Variants in SCAMP1 observed in about 807,000 individuals in gnomAD.
SCAMP1 encodes the protein secretory carrier membrane protein 1.
SCAMP1 carries 15 observed loss-of-function variants against 41.8 expected under a neutral mutation model. That is an observed-to-expected ratio of 0.36 (90% CI 0.24 to 0.55). The LOEUF is 0.55. SCAMP1 is among the 20% of genes least tolerant of loss of function. The probability of loss-of-function intolerance (pLI) is 0.86; values close to 1 mark genes in which losing one functional copy is unlikely to be tolerated. For missense variants in SCAMP1, 341 were observed against 412.6 expected (o/e 0.83, Z 1.50); for synonymous variants, 135 against 136.8 (o/e 0.99, Z 0.09).
At chr5:78,435,233 T>G (rs947775442) in intron 6 of SCAMP1, among the ~76,000 whole-genome samples, 9 of 152,146 alleles carry the variant, frequency 5.9e-5, no homozygotes, top group East Asian at 5.8e-4. Context: ...AATATGAAGG[T>G]TTTTTTTAAT....
chr5:78,447,274 G>A (rs6882191), intron 6 of SCAMP1, among the ~76,000 whole-genome samples: 116,124 of 152,208 alleles, frequency 0.76, 44,947 homozygotes, highest in African/African-American at 0.85. Context: ...TATACTGGTT[G>A]TAGAAATGTA....
At chr5:78,399,963 T>C (rs1042452178) in intron 2 of SCAMP1, among the ~76,000 whole-genome samples, 1 of 152,188 alleles carries the variant, frequency 6.6e-6, no homozygotes, top group Non-Finnish European at 1.5e-5. Flanking sequence ...AATATTTGTT[T>C]GTTTATTTTA....
intron 6 of SCAMP1, among the ~76,000 whole-genome samples, chr5:78,427,821 G>A (rs979025003): frequency 3.3e-5 from 5 of 150,724 alleles, no homozygotes; most frequent in Non-Finnish European, 5.9e-5. Context: ...CTTATTAGAC[G>A]TGTGTCTTTT....
In SCAMP1 at chr5:78,475,686, ACT is replaced by A; in HGVS notation, c.*19_*20del. 6.7e-7 allele frequency: 1 copy of A among 1,486,192 alleles called. No homozygotes were observed. Among genetic ancestry groups the A allele is most frequent in the Non-Finnish European group, 9.0e-7 (1 of 1,117,280 alleles). The allele number at this position is 1,486,192 out of a possible 1,614,324, so 92.1% of individuals were successfully genotyped here. A position where few individuals can be genotyped will look rare whatever the true frequency, so the allele number is the denominator to read the frequency against. ...AGATTTAAGAATCTTCAAACAATAC[ACT>A]GTTACCTTTTGACTGTACCTTTTTC... On this transcript the variant is annotated 3_prime_UTR_variant, in exon 9 of 9. Coordinates refer to ENST00000621999, the MANE Select transcript of SCAMP1 (RefSeq NM_004866.6).
intron 6 of SCAMP1, among the ~76,000 whole-genome samples, chr5:78,425,134 A>G (rs1224280495): frequency 6.6e-6 from 1 of 152,234 alleles, no homozygotes; most frequent in African/African-American, 2.4e-5. Flanking sequence ...TTTATGATCT[A>G]TAAGTGAACT....
intron 8 of SCAMP1, among the ~76,000 whole-genome samples, chr5:78,464,546 C>T (rs1753694704): frequency 6.6e-6 from 1 of 152,124 alleles, no homozygotes. Flanking sequence ...TTCTCGCAGT[C>T]CATTTAATAT....
chr5:78,384,161 A>G (rs1000597336), intron 1 of SCAMP1, among the ~76,000 whole-genome samples: 4 of 124,204 alleles, frequency 3.2e-5, no homozygotes, highest in African/African-American at 6.3e-5. Flanking sequence ...TTGGTTAGGT[A>G]TATTCCCAAG....
intron 2 of SCAMP1, among the ~76,000 whole-genome samples, chr5:78,414,051 A>T (rs1403629059): frequency 6.6e-6 from 1 of 150,458 alleles, no homozygotes. Flanking sequence ...TGGTCATTCT[A>T]AAGAGTACTT....
intron 6 of SCAMP1, among the ~76,000 whole-genome samples, chr5:78,437,809 C>G (rs1197750078): frequency 1.3e-5 from 2 of 152,092 alleles, no homozygotes; most frequent in African/African-American, 4.8e-5. Flanking sequence ...CTCTTTGTAC[C>G]TCTGATAGAA....
intron 8 of SCAMP1, among the ~76,000 whole-genome samples, chr5:78,472,789 C>T (rs767157723): frequency 1.3e-5 from 2 of 152,008 alleles, no homozygotes; most frequent in Non-Finnish European, 2.9e-5. Context: ...CCCATGAACA[C>T]ATAGTATCAG....
intron 1 of SCAMP1, among the ~76,000 whole-genome samples, chr5:78,367,131 T>C (rs533283833): frequency 4.3e-4 from 65 of 152,290 alleles, no homozygotes; most frequent in Non-Finnish European, 6.3e-4. Context: ...GAATTCCTGC[T>C]CATTTTTCCT....
intron 1 of SCAMP1, among the ~76,000 whole-genome samples, chr5:78,384,171 G>GT (rs772536603): frequency 0.024 from 1,624 of 68,792 alleles, 87 homozygotes; most frequent in African/African-American, 0.041. Context: ...ATATTCCCAA[G>GT]TTTTTTTTCT....
chr5:78,466,292 C>T (rs1753743519), intron 8 of SCAMP1, among the ~76,000 whole-genome samples: 1 of 152,096 alleles, frequency 6.6e-6, no homozygotes, highest in African/African-American at 2.4e-5. Context: ...AATTGGTGGG[C>T]CCCCCAATTC....
chr5:78,433,529 G>T (rs1275910784), intron 6 of SCAMP1, among the ~76,000 whole-genome samples: 2 of 152,086 alleles, frequency 1.3e-5, no homozygotes, highest in Non-Finnish European at 2.9e-5. Flanking sequence ...ATTGATCTGG[G>T]TTTGGGTTTT....
intron 6 of SCAMP1, among the ~76,000 whole-genome samples, chr5:78,442,310 GC>G (rs1331464649): frequency 6.6e-6 from 1 of 152,174 alleles, no homozygotes; most frequent in African/African-American, 2.4e-5. Context: ...TTTCTCTGTT[GC>G]CCAAGCTAGG....
At chr5:78,406,360 C>G (rs573918465) in intron 2 of SCAMP1, among the ~76,000 whole-genome samples, 1 of 152,138 alleles carries the variant, frequency 6.6e-6, no homozygotes, top group South Asian at 2.1e-4. Context: ...CCTACATACA[C>G]TTTGGCTGTT....
intron 6 of SCAMP1, among the ~76,000 whole-genome samples, chr5:78,443,727 A>G (rs1432713488): frequency 7.2e-6 from 1 of 138,956 alleles, no homozygotes; most frequent in Non-Finnish European, 1.5e-5. Flanking sequence ...TAGCACAACC[A>G]TTGTTCATTG....
chr5:78,391,876 G>A (rs1751517846), intron 2 of SCAMP1, among the ~76,000 whole-genome samples: 1 of 152,214 alleles, frequency 6.6e-6, no homozygotes, highest in Non-Finnish European at 1.5e-5. Flanking sequence ...GCGTGGCGGC[G>A]CGCGCCTGCA....
intron 8 of SCAMP1, among the ~76,000 whole-genome samples, chr5:78,462,375 G>T (rs1240143968): frequency 6.6e-6 from 1 of 152,180 alleles, no homozygotes; most frequent in Non-Finnish European, 1.5e-5. Context: ...TGTTGCCCAG[G>T]CTGGAGTGCA....
Sources: allele counts gnomAD v4.1 joint callset (sites outside exome capture counted in the v4.1 genomes callset), GRCh38; gene constraint gnomAD v4.1.1; transcripts MANE v1.5; gene names NCBI Gene and HGNC (gene_info 2026-07-23, HGNC 2026-07-21).